Variants in CATSPERE observed in about 807,000 individuals in gnomAD.
CATSPERE encodes catsper channel auxiliary subunit epsilon.
In CATSPERE, 93 loss-of-function variants were observed where a neutral mutation model predicts 114.1. The observed-to-expected ratio is 0.81, with a 90% CI of 0.69 to 0.97. The LOEUF (loss-of-function observed/expected upper bound fraction) is 0.97, where lower values mean the gene tolerates loss of function less well. CATSPERE is among the 50% of genes least tolerant of loss of function. The pLI, the probability that CATSPERE is intolerant of heterozygous loss-of-function variation, is 0.00. For missense variants in CATSPERE, 1,058 were observed against 1,131.6 expected, an observed-to-expected ratio of 0.93 and a Z score of 0.93; for synonymous variants, 341 against 384.1, an observed-to-expected ratio of 0.89 and a Z score of 1.31.
At position 244,610,338 on chromosome 1, in the gene CATSPERE, A is replaced by G. The variant is rs1443367398; in HGVS notation, c.2490+12A>G. 1 of 1,564,830 alleles carries G rather than the reference A, an allele frequency of 6.4e-7. No individual in the cohort carries two copies. Among genetic ancestry groups the G allele is most frequent in the Non-Finnish European group, 8.8e-7 (1 of 1,135,850 alleles). On this transcript the variant is annotated intron_variant, in intron 19 of 21. Coordinates refer to ENST00000366534, the MANE Select transcript of CATSPERE (RefSeq NM_001130957.2). The stretch of plus-strand genomic sequence containing the variant: ...TCTGGGGACCTGAGGTAAGAGAAAC[A>G]TTACCTTCCAGATTGTTTATTTGGA...
chr1:244,452,029 G>T (rs1665643419), upstream of CATSPERE: 1 of 429,410 alleles, frequency 2.3e-6, no homozygotes, highest in Non-Finnish European at 4.0e-6. Context: ...CCCCGCGCAG[G>T]CCGGCCTCGG....
chr1:244,525,526 T>C (rs1678444038), intron 8 of CATSPERE, among the ~76,000 whole-genome samples: 2 of 151,666 alleles, frequency 1.3e-5, no homozygotes, highest in African/African-American at 4.8e-5. Context: ...AAAAAGAAAG[T>C]CATTGGTGAG....
chr1:244,498,765 G>A (rs1025536950), intron 6 of CATSPERE, among the ~76,000 whole-genome samples: 4 of 152,096 alleles, frequency 2.6e-5, no homozygotes, highest in Admixed American at 6.5e-5. Context: ...AGGCATGGTG[G>A]TGGGCGCCTG....
At chr1:244,599,953 G>T (rs1479869969) in intron 17 of CATSPERE, among the ~76,000 whole-genome samples, 3 of 152,130 alleles carry the variant, frequency 2.0e-5, no homozygotes, top group Admixed American at 2.0e-4. Context: ...ATATGACCTG[G>T]ATTTTTTTAA....
intron 1 of CATSPERE, among the ~76,000 whole-genome samples, chr1:244,463,682 T>G (rs966497260): frequency 6.6e-6 from 1 of 151,452 alleles, no homozygotes; most frequent in Non-Finnish European, 1.5e-5. Context: ...GAGTATTAAC[T>G]TCTCATTTTA....
chr1:244,555,309 C>T (rs531822775), intron 9 of CATSPERE, among the ~76,000 whole-genome samples: 36 of 150,512 alleles, frequency 2.4e-4, no homozygotes, highest in African/African-American at 8.1e-4. Flanking sequence ...TGCTTGAACC[C>T]GGGAGGCAGA....
intron 21 of CATSPERE, among the ~76,000 whole-genome samples, chr1:244,639,537 A>G (rs1675075721): frequency 6.6e-6 from 1 of 152,188 alleles, no homozygotes; most frequent in Non-Finnish European, 1.5e-5. Context: ...TAAAAATACA[A>G]AAATTAGCTG....
intron 11 of CATSPERE, among the ~76,000 whole-genome samples, chr1:244,578,182 T>C (rs926753588): frequency 1.3e-5 from 2 of 152,180 alleles, no homozygotes; most frequent in Non-Finnish European, 2.9e-5. Flanking sequence ...AGATGGAGTT[T>C]CACTCTTGTT....
Position 244,490,483 on chromosome 1 carries a change from T to C in CATSPERE, c.351+12T>C. 6.8e-7 allele frequency: 1 copy of C among 1,475,056 alleles called. No homozygotes were observed. Among genetic ancestry groups the C allele is most frequent in the Non-Finnish European group, 9.4e-7 (1 of 1,058,684 alleles). The allele number at this position is 1,475,056 out of a possible 1,614,324, so 91.4% of individuals were successfully genotyped here. ...ACAACTTTACCCAGGTAAAATATTT[T>C]TTAAATTTTGTATAGCCTTCATATA... On this transcript the variant is annotated intron_variant, in intron 6 of 21. Coordinates refer to ENST00000366534, the MANE Select transcript of CATSPERE (RefSeq NM_001130957.2).
rs754761582 is a variant in CATSPERE at position 244,490,449 on chromosome 1, A to G, written c.329A>G (p.His110Arg). Residue 110 changes from histidine to arginine, a missense_variant and splice_region_variant, in exon 6 of 22, where the codon CAT (histidine) becomes CGT (arginine). Around this residue, in one of 2 missense-constraint regions of CATSPERE, gnomAD observed 271 missense variants for 225.9 expected, o/e 1.20. Transcript: ENST00000366534. ...TCFLWYYRVR[H>R]FFNNFTQLIT... Reference sequence around the variant, plus strand: ...ATGTTTCCTCTTTTTCCAAGCAGACATTTCTTTAACAACTTTACCCAGGTA... The same window carrying G: ...ATGTTTCCTCTTTTTCCAAGCAGACGTTTCTTTAACAACTTTACCCAGGTA... 2.6e-6 allele frequency: 4 copies of G among 1,541,400 alleles called. No individual in the cohort carries two copies. Among genetic ancestry groups the G allele is most frequent in the Non-Finnish European group, 3.6e-6 (4 of 1,118,464 alleles).
intron 7 of CATSPERE, among the ~76,000 whole-genome samples, chr1:244,506,054 T>A (rs970176043): frequency 6.6e-6 from 1 of 152,132 alleles, no homozygotes; most frequent in Middle Eastern, 3.4e-3. Context: ...CAGAAATTTA[T>A]CTCCTGTCAG....
chr1:244,474,869 A>G (rs1410062355), intron 2 of CATSPERE, among the ~76,000 whole-genome samples: 1 of 151,076 alleles, frequency 6.6e-6, no homozygotes, highest in Admixed American at 6.6e-5. Context: ...TCAGCCTCCC[A>G]AGTAGCTGGG....
chr1:244,595,776 A>G (rs1016267233), intron 17 of CATSPERE, among the ~76,000 whole-genome samples: 2 of 151,880 alleles, frequency 1.3e-5, no homozygotes, highest in Admixed American at 1.3e-4. Context: ...CTAAAAATAC[A>G]AAAAAAATTA....
chr1:244,490,617 T>C lies in CATSPERE; in HGVS notation c.351+146T>C, dbSNP rs1671915666. On this transcript the variant is annotated intron_variant, in intron 6 of 21. Coordinates refer to ENST00000366534, the MANE Select transcript of CATSPERE (RefSeq NM_001130957.2). ...AGAGTATACCTTTCTATAAGACCCA[T>C]TCAGGAGGTCCATGAGGTTCACCCT... is the stretch of plus-strand genomic sequence containing the variant. 6 of 528,624 alleles carry C rather than the reference T, an allele frequency of 1.1e-5. No individual in the cohort carries two copies. In the South Asian group the frequency reaches 1.4e-4, roughly 12 times the overall value. 32.7% of individuals were successfully genotyped at this position (528,624 alleles called of 1,614,324 possible). A position where few individuals can be genotyped will look rare whatever the true frequency, so the allele number is the denominator to read the frequency against.
rs139599203 is a variant in CATSPERE, at chr1:244,567,904, T to C, written c.1508-4426T>C. On this transcript the variant is annotated intron_variant, in intron 10 of 21. Transcript: ENST00000366534. ...CTTGCTCACGAGGAGTTGTGATCCT[T>C]TGGAGGGGAAGAGGCATTCTGGTTT... Among the ~76,000 whole-genome samples the C allele has an allele frequency of 6.1e-4, 93 of 152,214 alleles. 1 individual carries two copies. Among genetic ancestry groups the C allele is most frequent in the African/African-American group, 2.1e-3 (86 of 41,568 alleles).
chr1:244,492,670 C>T (rs112331848), intron 6 of CATSPERE, among the ~76,000 whole-genome samples: 13 of 151,724 alleles, frequency 8.6e-5, no homozygotes, highest in South Asian at 2.1e-4. Flanking sequence ...TGTTTGCAGA[C>T]GACATGATTG....
At chr1:244,616,595 G>C (rs79537602) in intron 19 of CATSPERE, among the ~76,000 whole-genome samples, 1 of 152,162 alleles carries the variant, frequency 6.6e-6, no homozygotes, top group Non-Finnish European at 1.5e-5. Flanking sequence ...GCGAGTGAGA[G>C]GGCAGGCGAG....
intron 8 of CATSPERE, among the ~76,000 whole-genome samples, chr1:244,523,984 C>A (rs934843383): frequency 2.7e-5 from 4 of 148,418 alleles, no homozygotes; most frequent in African/African-American, 1.0e-4. Context: ...TTGGAAAAAA[C>A]TACTTTAAAG....
chr1:244,519,834 C>T (rs574496244), intron 8 of CATSPERE, among the ~76,000 whole-genome samples: 11 of 148,220 alleles, frequency 7.4e-5, no homozygotes, highest in East Asian at 3.9e-4. Context: ...AGCGCTCAGC[C>T]GCCATATTTG....
Sources: gnomAD v4.1 joint callset for allele counts (sites outside exome capture counted in the v4.1 genomes callset) on GRCh38, gnomAD v4.1.1 for gene constraint, gnomAD v4.1.1 regional missense constraint, MANE v1.5 for transcripts, NCBI Gene and HGNC (gene_info 2026-07-23, HGNC 2026-07-21) for gene names.